The following THSD4 variants were observed in gnomAD, a reference collection of about 807,000 sequenced individuals.
The protein encoded by THSD4 is thrombospondin type 1 domain containing 4, also known as thrombospondin type-1 domain-containing protein 4.
THSD4 carries 69 observed loss-of-function variants against 119.0 expected under a neutral mutation model. That is an observed-to-expected ratio of 0.58 (90% CI 0.48 to 0.71). THSD4 has a LOEUF of 0.71. Ranked by LOEUF, THSD4 falls within the 30% of genes least tolerant of loss-of-function variation. The pLI is 0.00. For synonymous variants in THSD4, 524 were observed against 540.4 expected, an observed-to-expected ratio of 0.97 and a Z score of 0.42; for missense variants, 1,393 against 1,391.1, an observed-to-expected ratio of 1.00 and a Z score of -0.02.
rs545976267 is a variant in THSD4, at chr15:71,345,368, G to C, written c.1016-66319G>C. On this transcript the variant is annotated intron_variant, in intron 6 of 17. Coordinates refer to ENST00000261862, the MANE Select transcript of THSD4 (RefSeq NM_024817.3). The stretch of plus-strand genomic sequence containing the variant: ...GATACAGGGGCAAGGTAGGGCCAAA[G>C]GCACCCCGGGCTGCCTGTGAGAGGA... Among the ~76,000 whole-genome samples, 34 of 152,144 alleles carry C rather than the reference G, an allele frequency of 2.2e-4. 1 individual carries two copies. The South Asian group carries it at 7.0e-3, about 32-fold the overall frequency.
intron 7 of THSD4, among the ~76,000 whole-genome samples, chr15:71,573,331 A>T (rs11854151): frequency 0.25 from 38,332 of 152,060 alleles, 5,578 homozygotes; most frequent in Non-Finnish European, 0.33. Flanking sequence ...GAAGATAGGG[A>T]TCCTCTTAGA....
chr15:71,625,239 C>T (rs2050487427), intron 7 of THSD4, among the ~76,000 whole-genome samples: 1 of 152,080 alleles, frequency 6.6e-6, no homozygotes, highest in African/African-American at 2.4e-5. Flanking sequence ...AACTCCTGAC[C>T]TCAGGTGATC....
chr15:71,414,496 C>T (rs893047738), intron 7 of THSD4, among the ~76,000 whole-genome samples: 7 of 152,058 alleles, frequency 4.6e-5, no homozygotes, highest in African/African-American at 1.7e-4. Flanking sequence ...TGCTGCTGGT[C>T]CCTGGATCAT....
chr15:71,411,704 T>A lies in THSD4; in HGVS notation c.1033T>A (p.Cys345Ser), dbSNP rs1474821340. ...PFAEVKGNRK[C>S]ELNCQAMGYR... ...TTTGGTAGTAAAAGGCAATCGCAAA[T>A]GTGAGTTGAACTGCCAGGCAATGGG... Residue 345 changes from cysteine (C) to serine (S), a missense_variant, in exon 7 of 18, where the codon TGT becomes AGT. By Grantham distance (112) the Cys-to-Ser change is moderately radical. Coordinates refer to ENST00000261862, the MANE Select transcript of THSD4 (RefSeq NM_024817.3). 1 of 1,614,026 alleles carries A rather than the reference T, an allele frequency of 6.2e-7. No individual in the cohort carries two copies. Among genetic ancestry groups the A allele is most frequent in the Admixed American group, 1.7e-5 (1 of 60,012 alleles).
intron 6 of THSD4, among the ~76,000 whole-genome samples, chr15:71,365,153 G>A (rs2045943148): frequency 6.6e-6 from 1 of 151,324 alleles, no homozygotes; most frequent in Non-Finnish European, 1.5e-5. Flanking sequence ...GTGTGTGTGT[G>A]TGTGTGTGTG....
chr15:71,601,389 A>G (rs938731594), intron 7 of THSD4, among the ~76,000 whole-genome samples: 1 of 152,184 alleles, frequency 6.6e-6, no homozygotes, highest in Admixed American at 6.5e-5. Context: ...ACACCACTCC[A>G]GGGGTTGCTC....
At chr15:71,483,199 T>C (rs575559196) in intron 7 of THSD4, among the ~76,000 whole-genome samples, 1 of 152,092 alleles carries the variant, frequency 6.6e-6, no homozygotes, top group African/African-American at 2.4e-5. Context: ...ATAGGCCAAG[T>C]TGGGCTGACT....
chr15:71,431,561 T>A (rs1215207228), intron 7 of THSD4, among the ~76,000 whole-genome samples: 1 of 152,152 alleles, frequency 6.6e-6, no homozygotes, highest in East Asian at 1.9e-4. Context: ...CTGTGAAAGA[T>A]CTGTATGTAA....
chr15:71,378,180 ATATT>A (rs1393694654), intron 6 of THSD4, among the ~76,000 whole-genome samples: 1 of 152,188 alleles, frequency 6.6e-6, no homozygotes, highest in African/African-American at 2.4e-5. Context: ...AGTGATGTGT[ATATT>A]TATTAGAACA....
intron 8 of THSD4, among the ~76,000 whole-genome samples, chr15:71,661,400 T>A (rs72742762): frequency 0.26 from 38,642 of 146,818 alleles, 5,610 homozygotes; most frequent in East Asian, 0.72. Context: ...TTTATTTATT[T>A]ATTTTTTTTT....
At chr15:71,464,053 C>T (rs2047464281) in intron 7 of THSD4, among the ~76,000 whole-genome samples, 2 of 152,206 alleles carry the variant, frequency 1.3e-5, no homozygotes, top group African/African-American at 4.8e-5. Context: ...CCTTCAAGCT[C>T]ATGTCTTTCC....
chr15:71,683,818 A>G (rs1461555759), intron 8 of THSD4, among the ~76,000 whole-genome samples: 1 of 152,170 alleles, frequency 6.6e-6, no homozygotes, highest in African/African-American at 2.4e-5. Flanking sequence ...TACTAAAAAT[A>G]CAAAAATTTA....
At chr15:71,541,218 A>G (rs976734746) in intron 7 of THSD4, among the ~76,000 whole-genome samples, 6 of 152,260 alleles carry the variant, frequency 3.9e-5, no homozygotes, top group Non-Finnish European at 5.9e-5. Flanking sequence ...TATTATTTCA[A>G]CATCAACCCA....
At chr15:71,772,423 A>G (rs1001526327) in intron 17 of THSD4, among the ~76,000 whole-genome samples, 1 of 152,232 alleles carries the variant, frequency 6.6e-6, no homozygotes. Context: ...TAAGATCTAT[A>G]TAGAAAAAAT....
intron 8 of THSD4, among the ~76,000 whole-genome samples, chr15:71,707,864 A>C (rs891866328): frequency 1.3e-5 from 2 of 152,232 alleles, no homozygotes; most frequent in Admixed American, 1.3e-4. Context: ...TCAAATAAAA[A>C]CAATTTCATG....
chr15:71,190,641 G>C (rs1024182109), intron 3 of THSD4, among the ~76,000 whole-genome samples: 3 of 152,146 alleles, frequency 2.0e-5, no homozygotes, highest in African/African-American at 7.2e-5. Context: ...AGGAGAAGCA[G>C]CCAAAGGCCT....
intron 3 of THSD4, among the ~76,000 whole-genome samples, chr15:71,201,893 A>G (rs1257955347): frequency 1.3e-5 from 2 of 152,214 alleles, no homozygotes; most frequent in Non-Finnish European, 2.9e-5. Flanking sequence ...GCACTGCTGC[A>G]GTGCTCAGTT....
At chr15:71,316,026 T>A (rs2140355212) in intron 6 of THSD4, among the ~76,000 whole-genome samples, 1 of 152,316 alleles carries the variant, frequency 6.6e-6, no homozygotes, top group African/African-American at 2.4e-5. Context: ...GAGGAAATCT[T>A]AGTAAGACTT....
At chr15:71,612,583 A>G (rs776977503) in intron 7 of THSD4, among the ~76,000 whole-genome samples, 1 of 152,082 alleles carries the variant, frequency 6.6e-6, no homozygotes, top group Non-Finnish European at 1.5e-5. Flanking sequence ...GCAGCTGTTG[A>G]TGGAGACAAG....
Sources: allele counts gnomAD v4.1 joint callset (sites outside exome capture counted in the v4.1 genomes callset), GRCh38; gene constraint gnomAD v4.1.1; transcripts MANE v1.5; gene names NCBI Gene and HGNC (gene_info 2026-07-23, HGNC 2026-07-21).